FOXP1: variants seen among roughly 807,000 people sequenced by gnomAD.
FOXP1 encodes the protein forkhead box P1.
Under a neutral mutation model 98.2 loss-of-function variants are expected in FOXP1, and 15 were observed. The ratio of observed to expected loss-of-function variants is 0.15; its 90% CI spans 0.10 to 0.24. The LOEUF (loss-of-function observed/expected upper bound fraction) is 0.24. FOXP1 is among the 10% of genes least tolerant of loss of function. FOXP1 has a pLI of 1.00. For missense variants in FOXP1, 633 were observed against 848.5 expected, an observed-to-expected ratio of 0.75 and a Z score of 3.15; for synonymous variants, 371 against 314.5, an observed-to-expected ratio of 1.18 and a Z score of -1.90.
intron 5 of FOXP1, among the ~76,000 whole-genome samples, chr3:71,232,989 A>C (rs550235375): frequency 2.0e-5 from 3 of 151,422 alleles, no homozygotes; most frequent in Admixed American, 6.6e-5. Context: ...ACTACTAATA[A>C]TAATAAAAAC....
At chr3:71,148,024 C>T (rs908061008) in intron 6 of FOXP1, among the ~76,000 whole-genome samples, 2 of 152,066 alleles carry the variant, frequency 1.3e-5, no homozygotes, top group Non-Finnish European at 2.9e-5. Context: ...TCATAAAAAT[C>T]GCATAAATCA....
chr3:70,978,088 C>CCA, intron 14 of FOXP1, 59 bp from the exon 15 acceptor site: 16 of 1,407,304 alleles, frequency 1.1e-5, no homozygotes, highest in Non-Finnish European at 1.6e-5. Context: ...AACCCAGGAA[C>CCA]CACATCTAGC....
At chr3:71,288,968 A>G (rs2107482783) in intron 5 of FOXP1, among the ~76,000 whole-genome samples, 1 of 152,264 alleles carries the variant, frequency 6.6e-6, no homozygotes, top group African/African-American at 2.4e-5. Context: ...GTTCTTTGTC[A>G]TCATCTTTTT....
intron 19 of FOXP1, 137 bp from the exon 20 acceptor site, chr3:70,966,193 T>C (rs2034725489): frequency 1.2e-6 from 1 of 856,288 alleles, no homozygotes; most frequent in Non-Finnish European, 1.9e-6. Context: ...CTAAGAGGTG[T>C]TGAAAGATTT....
chr3:71,093,064 C>A (rs868758435), intron 7 of FOXP1, among the ~76,000 whole-genome samples: 14 of 152,080 alleles, frequency 9.2e-5, no homozygotes, highest in Middle Eastern at 3.4e-3. Context: ...AGTTTGAGAC[C>A]AGCCTGGCCA....
chr3:71,444,622 C>T (rs1031880513), intron 3 of FOXP1, among the ~76,000 whole-genome samples: 4 of 152,120 alleles, frequency 2.6e-5, no homozygotes, highest in East Asian at 1.9e-4. Flanking sequence ...ATTGGTGGGG[C>T]GCTTCCAATT....
chr3:71,045,953 T>C (rs1413111743), intron 10 of FOXP1, among the ~76,000 whole-genome samples: 2 of 152,202 alleles, frequency 1.3e-5, no homozygotes, highest in Non-Finnish European at 2.9e-5. Context: ...CCAAATCTAC[T>C]AGAGTTCAAA....
chr3:71,206,686 T>C (rs55759484), intron 5 of FOXP1, among the ~76,000 whole-genome samples: 1,558 of 152,348 alleles, frequency 0.01, 25 homozygotes, highest in African/African-American at 0.035. Context: ...AAATGTCTTA[T>C]TCTTCAGAAC....
chr3:71,401,932 C>T (rs1179344372), intron 3 of FOXP1, among the ~76,000 whole-genome samples: 2 of 152,186 alleles, frequency 1.3e-5, no homozygotes, highest in Non-Finnish European at 1.5e-5. Flanking sequence ...TTATTCTGTA[C>T]GTGGAGTTAT....
At chr3:71,437,706 T>G (rs1478153157) in intron 3 of FOXP1, among the ~76,000 whole-genome samples, 1 of 152,148 alleles carries the variant, frequency 6.6e-6, no homozygotes, top group African/African-American at 2.4e-5. Flanking sequence ...GAGCATGAAC[T>G]TCCGAGTCTG....
intron 6 of FOXP1, among the ~76,000 whole-genome samples, chr3:71,135,151 C>G (rs1437122377): frequency 6.8e-6 from 1 of 147,868 alleles, no homozygotes; most frequent in East Asian, 2.1e-4. Flanking sequence ...CCCAGCTGCT[C>G]GGGAGGCTAA....
intron 2 of FOXP1, among the ~76,000 whole-genome samples, chr3:71,568,533 C>A (rs905979041): frequency 1.3e-5 from 2 of 152,176 alleles, no homozygotes; most frequent in African/African-American, 2.4e-5. Flanking sequence ...AATGCTCTGC[C>A]ATCACCTTCT....
chr3:71,422,226 A>G (rs1235908773), intron 3 of FOXP1, among the ~76,000 whole-genome samples: 1 of 152,260 alleles, frequency 6.6e-6, no homozygotes, highest in African/African-American at 2.4e-5. Flanking sequence ...GCACTTCAGA[A>G]GAGAGAAGCA....
chr3:71,553,927 T>C (rs2045946794), intron 2 of FOXP1, among the ~76,000 whole-genome samples: 1 of 152,232 alleles, frequency 6.6e-6, no homozygotes, highest in African/African-American at 2.4e-5. Context: ...AAGTGATATA[T>C]ATTGCAGTTT....
chr3:71,243,406 A>T (rs1339922845), intron 5 of FOXP1, among the ~76,000 whole-genome samples: 1 of 152,180 alleles, frequency 6.6e-6, no homozygotes, highest in African/African-American at 2.4e-5. Flanking sequence ...CATAACGTAA[A>T]ATAAAATTCT....
chr3:71,130,925 T>TG, intron 6 of FOXP1: 1 of 1,307,980 alleles, frequency 7.6e-7, no homozygotes, highest in Non-Finnish European at 9.7e-7. Flanking sequence ...CAGTGCGCCC[T>TG]GGCTAGACCA....
intron 12 of FOXP1, among the ~76,000 whole-genome samples, chr3:71,004,345 T>C (rs1576061195): frequency 6.6e-6 from 1 of 152,192 alleles, no homozygotes; most frequent in Admixed American, 6.6e-5. Context: ...ACGATGATGA[T>C]GATCTTTCTG....
At chr3:71,308,006 G>A (rs1483744465) in intron 4 of FOXP1, among the ~76,000 whole-genome samples, 1 of 152,194 alleles carries the variant, frequency 6.6e-6, no homozygotes, top group African/African-American at 2.4e-5. Context: ...CCGGATTCGG[G>A]AGCGAATGGC....
At chr3:71,254,179 T>C (rs1461109530) in intron 5 of FOXP1, among the ~76,000 whole-genome samples, 2 of 152,180 alleles carry the variant, frequency 1.3e-5, no homozygotes, top group Non-Finnish European at 2.9e-5. Flanking sequence ...CTGGGTATTT[T>C]CCTCCCCCCT....
Sources: gnomAD v4.1 joint callset for allele counts (sites outside exome capture counted in the v4.1 genomes callset) on GRCh38, gnomAD v4.1.1 for gene constraint, MANE v1.5 for transcripts, NCBI Gene and HGNC (gene_info 2026-07-23, HGNC 2026-07-21) for gene names.